The following GABRG3 variants were observed in gnomAD, a reference collection of about 807,000 sequenced individuals.
The protein encoded by GABRG3 is gamma-aminobutyric acid type A receptor subunit gamma3, also known as gamma-aminobutyric acid receptor subunit gamma-3.
A neutral mutation model predicts 48.8 loss-of-function variants in GABRG3; 25 were observed. That is an observed-to-expected ratio of 0.51 (90% CI 0.37 to 0.72). The LOEUF (loss-of-function observed/expected upper bound fraction) is 0.72. GABRG3 is among the 30% of genes least tolerant of loss of function. The pLI is 0.00. For missense variants in GABRG3, 394 were observed against 577.9 expected, an observed-to-expected ratio of 0.68 and a Z score of 3.26; for synonymous variants, 227 against 217.6, an observed-to-expected ratio of 1.04 and a Z score of -0.38.
intron 3 of GABRG3, among the ~76,000 whole-genome samples, chr15:27,168,627 A>G (rs767911903): frequency 1.4e-4 from 22 of 152,180 alleles, no homozygotes; most frequent in Admixed American, 2.6e-4. Context: ...GTTAGGTCCC[A>G]GTGGGGAGCC....
rs532396951 is a variant in GABRG3, at chr15:27,055,185, C to T, written c.270+28364C>T. On this transcript the variant is annotated intron_variant, in intron 3 of 9. Coordinates refer to ENST00000615808, the MANE Select transcript of GABRG3 (RefSeq NM_033223.5). ...AGCCTGTGATAGAGGCTCCGCGTCC[C>T]GCACCGGAGCAGCCTGTGATAGAGA... Among the ~76,000 whole-genome samples, 12 of 152,142 alleles carry T rather than the reference C, an allele frequency of 7.9e-5. No individual in the cohort carries two copies. The South Asian group carries it at 2.1e-3, about 26-fold the overall frequency.
chr15:27,280,869 T>A (rs1250333719), intron 3 of GABRG3, among the ~76,000 whole-genome samples: 1 of 152,182 alleles, frequency 6.6e-6, no homozygotes, highest in Non-Finnish European at 1.5e-5. Flanking sequence ...AACCCTTTTA[T>A]ATTCTCACTC....
At chr15:27,086,243 A>G (rs891220296) in intron 3 of GABRG3, among the ~76,000 whole-genome samples, 1 of 151,822 alleles carries the variant, frequency 6.6e-6, no homozygotes, top group Non-Finnish European at 1.5e-5. Context: ...CAGGAGGAGG[A>G]AGGGTCACTG....
chr15:27,262,908 A>ATT (rs1380884858), intron 3 of GABRG3, among the ~76,000 whole-genome samples: 1 of 152,174 alleles, frequency 6.6e-6, no homozygotes, highest in Non-Finnish European at 1.5e-5. Context: ...GCCTAGTGCT[A>ATT]TTTTCTGCAA....
At chr15:27,022,138 T>C (rs1293334827) in intron 2 of GABRG3, among the ~76,000 whole-genome samples, 1 of 152,144 alleles carries the variant, frequency 6.6e-6, no homozygotes, top group African/African-American at 2.4e-5. Flanking sequence ...TTTTCTACCC[T>C]TTTCTTCCCC....
At chr15:27,498,450 C>T (rs181159908) in intron 6 of GABRG3, among the ~76,000 whole-genome samples, 300 of 152,184 alleles carry the variant, frequency 2.0e-3, no homozygotes, top group South Asian at 9.4e-3. Context: ...TTGTGTGTGA[C>T]GTCCAACTCC....
intron 5 of GABRG3, among the ~76,000 whole-genome samples, chr15:27,349,927 C>T (rs570245733): frequency 2.7e-5 from 1 of 37,222 alleles, no homozygotes; most frequent in East Asian, 8.7e-4. Flanking sequence ...CCTTTACTGC[C>T]CTAAGGTCTT....
rs1566801433 is a variant in GABRG3 at position 27,352,694 on chromosome 15, G to A, written c.574+23806G>A. 6.6e-6 allele frequency among the ~76,000 whole-genome samples: 1 copy of A among 152,092 alleles called. No individual in the cohort carries two copies. The highest frequency in any genetic ancestry group is 1.5e-5 in the Non-Finnish European group (1 of 68,014). On this transcript the variant is annotated intron_variant, in intron 5 of 9. Transcript: ENST00000615808. The surrounding 1 kb of genome is among the most constrained non-coding windows in gnomAD (Gnocchi z 4.0). ...CAAACCGTTGGGTGATATCGGTCTT[G>A]GTTATTGGTCCCTAGGATTGTGCTT... is the stretch of plus-strand genomic sequence containing the variant.
intron 3 of GABRG3, among the ~76,000 whole-genome samples, chr15:27,171,507 CAT>C (rs57913193): frequency 0.024 from 3,468 of 144,324 alleles, 140 homozygotes; most frequent in African/African-American, 0.083. Context: ...GCATGTCTAA[CAT>C]ATATATATAT....
chr15:27,271,070 G>A (rs1891069453), intron 3 of GABRG3, among the ~76,000 whole-genome samples: 1 of 152,148 alleles, frequency 6.6e-6, no homozygotes, highest in African/African-American at 2.4e-5. Flanking sequence ...TAACTTTAAG[G>A]ACTGAGATAT....
rs116207567 is a variant in GABRG3 at position 27,176,515 on chromosome 15, G to C, written c.270+149694G>C. 6.7e-3 allele frequency among the ~76,000 whole-genome samples: 1,026 copies of C among 152,312 alleles called. 6 individuals carry two copies. The highest frequency in any genetic ancestry group is 0.023 in the African/African-American group (971 of 41,552). ...TGATAATAAAACATGAGGAGTACCAGCAGTTATGGAGTATAAGGAACTGCA... is the reference window on the plus strand; with the variant it reads ...TGATAATAAAACATGAGGAGTACCACCAGTTATGGAGTATAAGGAACTGCA... On this transcript the variant is annotated intron_variant, in intron 3 of 9. Coordinates refer to ENST00000615808, the MANE Select transcript of GABRG3 (RefSeq NM_033223.5).
chr15:27,313,260 G>A (rs993620062), intron 3 of GABRG3, among the ~76,000 whole-genome samples: 82 of 49,502 alleles, frequency 1.7e-3, no homozygotes, highest in African/African-American at 3.7e-3. Flanking sequence ...GTGTGTGTGT[G>A]TGTATATATA....
intron 3 of GABRG3, among the ~76,000 whole-genome samples, chr15:27,254,623 T>C (rs986393008): frequency 9.9e-5 from 15 of 152,144 alleles, no homozygotes; most frequent in African/African-American, 3.6e-4. Flanking sequence ...TTTCTCACTC[T>C]AACCTCACAT....
At position 27,522,428 on chromosome 15, in the gene GABRG3, G is replaced by A. The variant is rs186450352; in HGVS notation, c.865+2304G>A. ...AAAACATCAGAAATGGTAAGTGTGCGGTGAAGTTTAAAAAAAACTAGTTTT... is the reference window on the plus strand; with the variant it reads ...AAAACATCAGAAATGGTAAGTGTGCAGTGAAGTTTAAAAAAAACTAGTTTT... On this transcript the variant is annotated intron_variant, in intron 7 of 9. Transcript: ENST00000615808. Among the ~76,000 whole-genome samples the A allele has an allele frequency of 4.2e-3, 622 of 149,392 alleles. 3 individuals carry two copies. The highest frequency in any genetic ancestry group is 5.5e-3 in the Non-Finnish European group (374 of 67,662).
chr15:27,415,431 C>A (rs1887912797), intron 5 of GABRG3, among the ~76,000 whole-genome samples: 1 of 152,010 alleles, frequency 6.6e-6, no homozygotes, highest in Admixed American at 6.6e-5. Flanking sequence ...CCCATCTGTT[C>A]TTGCGTGTTG....
intron 5 of GABRG3, among the ~76,000 whole-genome samples, chr15:27,475,071 A>G (rs2150842207): frequency 6.6e-6 from 1 of 152,252 alleles, no homozygotes; most frequent in East Asian, 1.9e-4. Context: ...TGGAGGTTGC[A>G]GTGAGCTGAG....
chr15:27,382,147 A>G (rs1053002037), intron 5 of GABRG3, among the ~76,000 whole-genome samples: 4 of 152,196 alleles, frequency 2.6e-5, no homozygotes, highest in African/African-American at 9.7e-5. Context: ...TTCACTTCAA[A>G]TTTATTGAGT....
Position 27,369,633 on chromosome 15 carries a change from C to CGG in GABRG3, c.574+40745_574+40746insGG, listed in dbSNP as rs1566809463. 4.6e-5 allele frequency among the ~76,000 whole-genome samples: 7 copies of CGG among 151,886 alleles called. No homozygotes were observed. In the East Asian group the frequency reaches 1.2e-3, roughly 25 times the overall value. On this transcript the variant is annotated intron_variant, in intron 5 of 9. Coordinates refer to ENST00000615808, the MANE Select transcript of GABRG3 (RefSeq NM_033223.5). ...GAGATCGAGACCATCCTGGCTGACA[C>CGG]TGTCTCTACTAAAAATACAAAAAAT... is the stretch of plus-strand genomic sequence containing the variant.
intron 5 of GABRG3, among the ~76,000 whole-genome samples, chr15:27,330,735 G>C (rs1019234511): frequency 3.3e-5 from 5 of 152,208 alleles, no homozygotes; most frequent in African/African-American, 7.2e-5. Context: ...ATACATGAAA[G>C]TGAATGCCTT....
Sources: allele counts gnomAD v4.1 joint callset (sites outside exome capture counted in the v4.1 genomes callset), GRCh38; gene constraint gnomAD v4.1.1; non-coding constraint Gnocchi (gnomAD v3.1); transcripts MANE v1.5; gene names NCBI Gene and HGNC (gene_info 2026-07-23, HGNC 2026-07-21).